MARCHF1: variants seen among roughly 807,000 people sequenced by gnomAD.
The protein encoded by MARCHF1 is membrane associated ring-CH-type finger 1, also known as E3 ubiquitin-protein ligase MARCHF1.
MARCHF1 carries 40 observed loss-of-function variants against 54.2 expected under a neutral mutation model. The ratio of observed to expected loss-of-function variants is 0.74; its 90% CI spans 0.57 to 0.96. The LOEUF is 0.96. Among genes scored for constraint, MARCHF1 ranks in the 40% least tolerant of loss-of-function variants. MARCHF1 has a pLI of 0.00. For synonymous variants in MARCHF1, 236 were observed against 236.3 expected, an observed-to-expected ratio of 1.00 and a Z score of 0.01; for missense variants, 586 against 656.5, an observed-to-expected ratio of 0.89 and a Z score of 1.17.
At chr4:163,914,091 G>T (rs1460086129) in intron 3 of MARCHF1, among the ~76,000 whole-genome samples, 4 of 151,790 alleles carry the variant, frequency 2.6e-5, no homozygotes, top group Non-Finnish European at 4.4e-5. Flanking sequence ...GAAAAATTGT[G>T]TTTTTTTCCA....
intron 8 of MARCHF1, among the ~76,000 whole-genome samples, chr4:163,566,637 T>G (rs1560946139): frequency 6.6e-6 from 1 of 152,142 alleles, no homozygotes; most frequent in Non-Finnish European, 1.5e-5. Flanking sequence ...TCATCAGGTT[T>G]TATGTCTGGT....
chr4:164,029,103 C>T (rs959825987), intron 2 of MARCHF1, among the ~76,000 whole-genome samples: 1 of 152,106 alleles, frequency 6.6e-6, no homozygotes, highest in Non-Finnish European at 1.5e-5. Flanking sequence ...AAATTCCATT[C>T]TTAAAATCTA....
At chr4:164,195,818 T>G (rs1179978013) in intron 1 of MARCHF1, among the ~76,000 whole-genome samples, 1 of 152,224 alleles carries the variant, frequency 6.6e-6, no homozygotes, top group Non-Finnish European at 1.5e-5. Flanking sequence ...TAAATCATTT[T>G]TTGAGTCTTT....
chr4:163,653,529 G>A (rs1451478939), intron 5 of MARCHF1, among the ~76,000 whole-genome samples: 1 of 151,716 alleles, frequency 6.6e-6, no homozygotes, highest in African/African-American at 2.4e-5. Flanking sequence ...TGAGATATAG[G>A]AGCTGTGTGT....
chr4:164,239,824 G>A (rs1467637407), intron 1 of MARCHF1, among the ~76,000 whole-genome samples: 5 of 151,982 alleles, frequency 3.3e-5, no homozygotes, highest in East Asian at 1.9e-4. Flanking sequence ...GACTTCCTCA[G>A]CAATTTTACA....
intron 1 of MARCHF1, among the ~76,000 whole-genome samples, chr4:164,154,242 T>C (rs185004035): frequency 6.6e-6 from 1 of 152,318 alleles, no homozygotes; most frequent in East Asian, 1.9e-4. Flanking sequence ...AAAAAGTTTC[T>C]AGTCATGCTG....
intron 2 of MARCHF1, among the ~76,000 whole-genome samples, chr4:164,043,836 G>T (rs1342855489): frequency 6.6e-6 from 1 of 152,108 alleles, no homozygotes; most frequent in East Asian, 1.9e-4. Context: ...GTCCCATTTT[G>T]AATACTTTGC....
At chr4:163,686,441 T>C (rs1316890170) in intron 5 of MARCHF1, among the ~76,000 whole-genome samples, 1 of 149,758 alleles carries the variant, frequency 6.7e-6, no homozygotes, top group African/African-American at 2.4e-5. Context: ...ATTTCTGTTA[T>C]TAGCTTGGTG....
At chr4:163,626,343 T>C (rs932915623) in intron 5 of MARCHF1, among the ~76,000 whole-genome samples, 13 of 152,180 alleles carry the variant, frequency 8.5e-5, no homozygotes, top group African/African-American at 2.9e-4. Flanking sequence ...TTAATTACGG[T>C]TTCAAAAGAT....
intron 5 of MARCHF1, among the ~76,000 whole-genome samples, chr4:163,633,625 A>T (rs1456846008): frequency 6.6e-6 from 1 of 152,038 alleles, no homozygotes. Flanking sequence ...TCTGATTGGT[A>T]TACCTGAAAG....
rs546349579 is a variant in MARCHF1 at position 163,778,337 on chromosome 4, G to A, written c.111+75684C>T. 4.6e-5 allele frequency among the ~76,000 whole-genome samples: 7 copies of A among 152,306 alleles called. No individual in the cohort carries two copies. In the East Asian group the frequency reaches 1.3e-3, roughly 29 times the overall value. Reference sequence around the variant, plus strand: ...TATATATTTGACTTCATAAGAAACTGCAAAATTGTTGCTTCACATGACTAA... The same window carrying A: ...TATATATTTGACTTCATAAGAAACTACAAAATTGTTGCTTCACATGACTAA... On this transcript the variant is annotated intron_variant, in intron 4 of 9. Coordinates refer to ENST00000514618, the MANE Select transcript of MARCHF1 (RefSeq NM_001394959.1).
intron 2 of MARCHF1, among the ~76,000 whole-genome samples, chr4:164,094,568 G>C (rs572426804): frequency 1.5e-4 from 23 of 152,098 alleles, no homozygotes; most frequent in Admixed American, 3.9e-4. Context: ...AAGGGAATAG[G>C]AATGAAAGTG....
chr4:163,887,083 A>C (rs1750554555), intron 3 of MARCHF1, among the ~76,000 whole-genome samples: 1 of 152,158 alleles, frequency 6.6e-6, no homozygotes. Context: ...AATTATCAAA[A>C]GTGATATATT....
chr4:163,585,952 G>A (rs7435076), intron 7 of MARCHF1, 23 bp from the exon 8 acceptor site: 1 of 1,579,202 alleles, frequency 6.3e-7, no homozygotes. Context: ...ACAGCAGCCA[G>A]TATGAGATCT....
intron 3 of MARCHF1, among the ~76,000 whole-genome samples, chr4:163,893,274 G>A (rs1750703801): frequency 6.6e-6 from 1 of 151,928 alleles, no homozygotes; most frequent in Non-Finnish European, 1.5e-5. Flanking sequence ...GAGTAGCTGG[G>A]ATTACAGGCA....
intron 3 of MARCHF1, among the ~76,000 whole-genome samples, chr4:163,941,347 A>C (rs1426627121): frequency 1.3e-5 from 2 of 152,138 alleles, no homozygotes; most frequent in Non-Finnish European, 2.9e-5. Flanking sequence ...TAAGTTAAAG[A>C]GAAGAAAAGA....
At chr4:164,360,384 T>C (rs1237540880) in intron 1 of MARCHF1, among the ~76,000 whole-genome samples, 1 of 152,182 alleles carries the variant, frequency 6.6e-6, no homozygotes, top group Non-Finnish European at 1.5e-5. Context: ...CTGCTATTTG[T>C]AGATTCTTAT....
In MARCHF1 at chr4:163,885,317, A is replaced by T. The variant is rs571249230; in HGVS notation, c.-38-31148T>A. ...CCTGTAAAATGGATTTTAAGATTTAATGTAGTTTAATAAATTAACCCTGTA... is the reference window on the plus strand; with the variant it reads ...CCTGTAAAATGGATTTTAAGATTTATTGTAGTTTAATAAATTAACCCTGTA... On this transcript the variant is annotated intron_variant, in intron 3 of 9. Transcript: ENST00000514618. Among the ~76,000 whole-genome samples the T allele has an allele frequency of 4.6e-5, 7 of 152,278 alleles. No homozygotes were observed. In the South Asian group the frequency reaches 1.2e-3, roughly 27 times the overall value.
chr4:163,866,295 ATATTTC>A (rs1392989292), intron 3 of MARCHF1, among the ~76,000 whole-genome samples: 1 of 151,076 alleles, frequency 6.6e-6, no homozygotes, highest in Non-Finnish European at 1.5e-5. Context: ...TCAGATAAAT[ATATTTC>A]TAAACTGTAT....
Sources: allele counts gnomAD v4.1 joint callset (sites outside exome capture counted in the v4.1 genomes callset), GRCh38; gene constraint gnomAD v4.1.1; transcripts MANE v1.5; gene names NCBI Gene and HGNC (gene_info 2026-07-23, HGNC 2026-07-21).